SPEF2: variants seen among roughly 807,000 people sequenced by gnomAD.
SPEF2 encodes sperm flagellar and cilia associated 2, also known as sperm flagella and cilia-associated protein 2.
In SPEF2, 187 loss-of-function variants were observed where a neutral mutation model predicts 224.6. The ratio of observed to expected loss-of-function variants is 0.83; its 90% confidence interval spans 0.74 to 0.94. SPEF2 has a LOEUF of 0.94. Among genes scored for constraint, SPEF2 ranks in the 40% least tolerant of loss-of-function variants. SPEF2 has a pLI of 0.00. For synonymous variants in SPEF2, 715 were observed against 707.3 expected, an observed-to-expected ratio of 1.01 and a Z score of -0.17; for missense variants, 2,170 against 2,135.6, an observed-to-expected ratio of 1.02 and a Z score of -0.32.
Position 35,807,235 on chromosome 5 carries a change from T to G in SPEF2, c.5361T>G (p.Tyr1787Ter). 1 of 1,613,160 alleles carries G rather than the reference T, an allele frequency of 6.2e-7. No homozygotes were observed. The highest frequency in any genetic ancestry group is 8.5e-7 in the Non-Finnish European group (1 of 1,179,820). ...TTATTCAAGACCTGATTTCAAATTA[T>G]TCAGACTATAAGTTTCCTGTGAGTA... The part of the protein sequence containing the change: ...HPFIQDLISN[Y>*]SDYKFPDIKI... The change falls in exon 36 of 37, where the codon TAT (tyrosine) becomes TAG (stop). Residue 1787 changes from tyrosine to a stop codon, truncating the protein, a stop_gained. Transcript: ENST00000356031. LOFTEE classifies it high-confidence loss of function.
At chr5:35,681,039 G>A (rs929557288) in intron 10 of SPEF2, among the ~76,000 whole-genome samples, 2 of 152,072 alleles carry the variant, frequency 1.3e-5, no homozygotes, top group Non-Finnish European at 2.9e-5. Context: ...TTCTGCCCAC[G>A]GTGTTTGGGC....
At chr5:35,772,782 G>T (rs542497517) in intron 27 of SPEF2, among the ~76,000 whole-genome samples, 3 of 152,288 alleles carry the variant, frequency 2.0e-5, no homozygotes, top group African/African-American at 7.2e-5. Context: ...TTTTACAGAT[G>T]ATAAAACAGA....
chr5:35,812,494 G>A (rs1758605856), intron 36 of SPEF2, among the ~76,000 whole-genome samples: 1 of 152,112 alleles, frequency 6.6e-6, no homozygotes, highest in South Asian at 2.1e-4. Flanking sequence ...AATATAAGAA[G>A]ATCAGTGAGG....
At position 35,695,786 on chromosome 5, in the gene SPEF2, G is replaced by A. The variant is rs1755225209; in HGVS notation, c.2027G>A (p.Ser676Asn). The change falls in exon 14 of 37, where the codon AGT (serine) becomes AAT (asparagine). Residue 676 changes from serine to asparagine, a missense_variant. Coordinates refer to ENST00000356031, the MANE Select transcript of SPEF2 (RefSeq NM_024867.4). Reference sequence around the variant, plus strand: ...GCTGAAGAAGTCAAATCAAGTGATAGTTTCTTAAAAGTAAGTATTATGATC... The same window carrying A: ...GCTGAAGAAGTCAAATCAAGTGATAATTTCTTAAAAGTAAGTATTATGATC... Reference protein sequence around the residue: ...PKAEEVKSSDSFLKLTTRAQL... With the variant: ...PKAEEVKSSDNFLKLTTRAQL... 1 of 1,607,104 alleles carries A rather than the reference G, an allele frequency of 6.2e-7. No homozygotes were observed. Among genetic ancestry groups the A allele is most frequent in the African/African-American group, 1.3e-5 (1 of 74,706 alleles).
chr5:35,627,115 G>A (rs1744370974), intron 1 of SPEF2, among the ~76,000 whole-genome samples: 2 of 151,660 alleles, frequency 1.3e-5, no homozygotes, highest in South Asian at 4.2e-4. Flanking sequence ...CCTGATGGAA[G>A]CAGGTTGAAT....
rs541534813 is a variant in SPEF2, at chr5:35,804,605, C to T, written c.5011-2102C>T. 3.3e-5 allele frequency among the ~76,000 whole-genome samples: 5 copies of T among 152,254 alleles called. No homozygotes were observed. The South Asian group carries it at 1.0e-3, about 32-fold the overall frequency. The stretch of plus-strand genomic sequence containing the variant: ...AGCCACTAAGCCTATTCTATACCAA[C>T]CCCCTAGAGATCAAAAATAGCAAAC... On this transcript the variant is annotated intron_variant, in intron 34 of 36. Coordinates refer to ENST00000356031, the MANE Select transcript of SPEF2 (RefSeq NM_024867.4).
chr5:35,696,457 G>C (rs1181663344), intron 14 of SPEF2, among the ~76,000 whole-genome samples: 2 of 152,134 alleles, frequency 1.3e-5, no homozygotes, highest in African/African-American at 4.8e-5. Flanking sequence ...AACAGGAAAA[G>C]GGGACTTACA....
rs997804832 is a variant in SPEF2 at position 35,782,125 on chromosome 5, G to A, written c.4447+2779G>A. On this transcript the variant is annotated intron_variant, in intron 30 of 36. Transcript: ENST00000356031. The stretch of plus-strand genomic sequence containing the variant: ...TAAGAAACATGACACACACCCATCC[G>A]TCTTTTAAATGAAGGCTTTTGTTGT... 3.9e-5 allele frequency among the ~76,000 whole-genome samples: 6 copies of A among 152,228 alleles called. No homozygotes were observed. The South Asian group carries it at 6.2e-4, about 16-fold the overall frequency.
At position 35,666,038 on chromosome 5, in the gene SPEF2, G is replaced by C. The variant is rs1424307018; in HGVS notation, c.1168-1034G>C. On this transcript the variant is annotated intron_variant, in intron 8 of 36. Coordinates refer to ENST00000356031, the MANE Select transcript of SPEF2 (RefSeq NM_024867.4). ...ATGGTTTGGTAATTTTTTGGGGTAT[G>C]CTAAGTACTATTAATAACCTGACTT... 2.6e-5 allele frequency among the ~76,000 whole-genome samples: 4 copies of C among 152,168 alleles called. No individual in the cohort carries two copies. In the East Asian group the frequency reaches 7.7e-4, roughly 29 times the overall value.
At chr5:35,705,928 C>T (rs576855608) in intron 18 of SPEF2, 120 bp downstream of exon 18, 100 of 563,920 alleles carry the variant, frequency 1.8e-4, no homozygotes, top group African/African-American at 1.7e-3. Context: ...TTTATACTAT[C>T]GACAAATATA....
chr5:35,721,591 G>T (rs10071847), intron 20 of SPEF2, among the ~76,000 whole-genome samples: 5,972 of 152,228 alleles, frequency 0.039, 196 homozygotes, highest in African/African-American at 0.075. Context: ...CTTTAGGGCT[G>T]TTTTTACTTC....
At chr5:35,707,966 G>A (rs1001545150) in intron 18 of SPEF2, among the ~76,000 whole-genome samples, 1 of 151,944 alleles carries the variant, frequency 6.6e-6, no homozygotes, top group African/African-American at 2.4e-5. Flanking sequence ...CTTAACTCTT[G>A]TATAAATTAA....
At chr5:35,736,642 G>A (rs1196713090) in intron 21 of SPEF2, among the ~76,000 whole-genome samples, 1 of 152,154 alleles carries the variant, frequency 6.6e-6, no homozygotes, top group Non-Finnish European at 1.5e-5. Context: ...AGATTATGGG[G>A]ATTATAATTT....
intron 12 of SPEF2, 40 bp downstream of exon 12, chr5:35,692,764 T>C (rs1310668489): frequency 8.2e-6 from 13 of 1,582,402 alleles, no homozygotes; most frequent in Non-Finnish European, 1.1e-5. Flanking sequence ...GCCTAGTACA[T>C]TAGAGATTTG....
intron 8 of SPEF2, among the ~76,000 whole-genome samples, chr5:35,660,561 G>T (rs1398094553): frequency 6.6e-6 from 1 of 152,190 alleles, no homozygotes. Flanking sequence ...GGAATGGGGA[G>T]AGAGAACCAT....
rs151199423 is a variant in SPEF2, at chr5:35,740,892, C to T, written c.3330+625C>T. ...CTTCATCTTTCATTTTAAATTGACA[C>T]ACCCCCCCTTATCCCATCAGAGGGA... On this transcript the variant is annotated intron_variant, in intron 23 of 36. Transcript: ENST00000356031. 2.4e-3 allele frequency among the ~76,000 whole-genome samples: 365 copies of T among 152,244 alleles called. 2 individuals are homozygous for T. The highest frequency in any genetic ancestry group is 8.5e-3 in the African/African-American group (353 of 41,544).
chr5:35,783,653 CA>C (rs2149809659), intron 30 of SPEF2, among the ~76,000 whole-genome samples: 1 of 152,110 alleles, frequency 6.6e-6, no homozygotes, highest in African/African-American at 2.4e-5. Context: ...TGAGTGCTTC[CA>C]AAAAAATGTA....
At chr5:35,780,761 ATCC>A (rs772488361) in intron 30 of SPEF2, among the ~76,000 whole-genome samples, 5 of 152,206 alleles carry the variant, frequency 3.3e-5, no homozygotes, top group African/African-American at 9.7e-5. Context: ...GTTTGCTTTA[ATCC>A]TACACTCTGG....
chr5:35,652,360 C>A (rs751539252), intron 6 of SPEF2, among the ~76,000 whole-genome samples: 6 of 152,096 alleles, frequency 3.9e-5, no homozygotes, highest in Non-Finnish European at 7.4e-5. Flanking sequence ...TTTTACACAA[C>A]ACACTTAAGT....
Sources: allele counts gnomAD v4.1 joint callset (sites outside exome capture counted in the v4.1 genomes callset), GRCh38; gene constraint gnomAD v4.1.1; transcripts MANE v1.5; gene names NCBI Gene and HGNC (gene_info 2026-07-23, HGNC 2026-07-21).